The following PTPRT variants were observed in gnomAD, a reference collection of about 807,000 sequenced individuals.
The protein encoded by PTPRT is protein tyrosine phosphatase receptor type T, also known as receptor-type tyrosine-protein phosphatase T.
A neutral mutation model predicts 176.8 loss-of-function variants in PTPRT; 56 were observed. That is an observed-to-expected ratio of 0.32 (90% confidence interval 0.26 to 0.40). The LOEUF is 0.40. Ranked by LOEUF, PTPRT falls within the 10% of genes least tolerant of loss-of-function variation. The pLI is 1.00. For synonymous variants in PTPRT, 783 were observed against 739.0 expected (o/e 1.06, Z -0.96); for missense variants, 1,540 against 1,908.2 (o/e 0.81, Z 3.60).
At chr20:42,544,634 G>A (rs2072641654) in intron 7 of PTPRT, among the ~76,000 whole-genome samples, 1 of 152,066 alleles carries the variant, frequency 6.6e-6, no homozygotes, top group South Asian at 2.1e-4. Context: ...TCAGCACTTG[G>A]GAGACTTTCC....
chr20:42,953,623 GC>G (rs920343620), intron 1 of PTPRT, among the ~76,000 whole-genome samples: 1 of 152,104 alleles, frequency 6.6e-6, no homozygotes, highest in Non-Finnish European at 1.5e-5. Flanking sequence ...AGAGCCTCTG[GC>G]CCCAGCACTC....
intron 1 of PTPRT, among the ~76,000 whole-genome samples, chr20:43,111,375 TA>T (rs922437930): frequency 4.9e-4 from 70 of 144,254 alleles, no homozygotes; most frequent in Admixed American, 9.7e-4. Context: ...CCGTCTCTGC[TA>T]AAAAAAAAAA....
intron 8 of PTPRT, among the ~76,000 whole-genome samples, chr20:42,451,575 A>G (rs2070828536): frequency 6.6e-6 from 1 of 152,198 alleles, no homozygotes; most frequent in African/African-American, 2.4e-5. Flanking sequence ...AGGAAAATGA[A>G]TGGAGAAACT....
chr20:42,619,452 G>T (rs1292362009), intron 7 of PTPRT, among the ~76,000 whole-genome samples: 67 of 120,814 alleles, frequency 5.5e-4, no homozygotes, highest in African/African-American at 6.8e-4. Flanking sequence ...TATCTTTGTG[G>T]CATTCTCTGT....
intron 2 of PTPRT, among the ~76,000 whole-genome samples, chr20:42,873,665 T>C (rs980943172): frequency 6.6e-6 from 1 of 151,516 alleles, no homozygotes; most frequent in Non-Finnish European, 1.5e-5. Flanking sequence ...ATTAATAAGA[T>C]GTTTTTACAT....
intron 8 of PTPRT, among the ~76,000 whole-genome samples, chr20:42,471,376 T>A (rs569932280): frequency 1.3e-5 from 2 of 152,250 alleles, no homozygotes; most frequent in South Asian, 4.1e-4. Context: ...AGTGGATCCC[T>A]CATGGGTTGG....
chr20:42,558,659 A>G (rs1298932307), intron 7 of PTPRT, among the ~76,000 whole-genome samples: 1 of 151,888 alleles, frequency 6.6e-6, no homozygotes, highest in Non-Finnish European at 1.5e-5. Flanking sequence ...GGTATCTCAA[A>G]CCCAACTCTA....
At chr20:42,504,492 A>C (rs1234905271) in intron 7 of PTPRT, among the ~76,000 whole-genome samples, 1 of 152,166 alleles carries the variant, frequency 6.6e-6, no homozygotes, top group African/African-American at 2.4e-5. Flanking sequence ...GAAAATTAAA[A>C]TCTTATTTTA....
chr20:42,706,163 C>CTCTTTA (rs2076052579), intron 6 of PTPRT, among the ~76,000 whole-genome samples: 1 of 137,184 alleles, frequency 7.3e-6, no homozygotes, highest in Non-Finnish European at 1.5e-5. Flanking sequence ...CTCTTTATCT[C>CTCTTTA]TCTCTCTCTC....
Position 42,930,633 on chromosome 20 carries a change from C to T in PTPRT, c.89-44701G>A, listed in dbSNP as rs564246901. Among the ~76,000 whole-genome samples, 4 of 152,082 alleles carry T rather than the reference C, an allele frequency of 2.6e-5. No individual in the cohort carries two copies. The South Asian group carries it at 8.3e-4, about 32-fold the overall frequency. ...AAGTAGCTAGGACTACAGGCACAGG[C>T]CACCATGCCTGGCTTTTTTTTTATT... is the stretch of plus-strand genomic sequence containing the variant. On this transcript the variant is annotated intron_variant, in intron 1 of 30. Transcript: ENST00000373187.
chr20:43,150,156 G>A (rs568592427), intron 1 of PTPRT, among the ~76,000 whole-genome samples: 1 of 152,228 alleles, frequency 6.6e-6, no homozygotes, highest in East Asian at 1.9e-4. Context: ...GGTAAGGCTG[G>A]GCCCAAGATC....
At chr20:42,039,185 A>T in the PTPRT span, among the ~76,000 whole-genome samples, 1 of 152,302 alleles carries the variant, frequency 6.6e-6, no homozygotes, top group African/African-American at 2.4e-5. Flanking sequence ...GTCCCCATTT[A>T]AAAAATTAAT....
chr20:43,061,840 T>A lies in PTPRT; in HGVS notation c.88+127806A>T, dbSNP rs186237253. ...CACACCTTTATCCCACCCATCGTTA[T>A]AATCGAATTGCTGTGACTCAGGCAG... is the stretch of plus-strand genomic sequence containing the variant. On this transcript the variant is annotated intron_variant, in intron 1 of 30. Transcript: ENST00000373187. 8.5e-5 allele frequency among the ~76,000 whole-genome samples: 13 copies of A among 152,356 alleles called. No homozygotes were observed. In the East Asian group the frequency reaches 1.5e-3, roughly 18 times the overall value.
intron 18 of PTPRT, 61 bp downstream of exon 18, chr20:42,141,854 A>T: frequency 7.1e-7 from 1 of 1,400,550 alleles, no homozygotes; most frequent in Non-Finnish European, 1.0e-6. Flanking sequence ...TAATAGTAAT[A>T]GCCTCTTTTC....
chr20:42,397,875 C>T (rs934109754), intron 9 of PTPRT, among the ~76,000 whole-genome samples: 1 of 152,172 alleles, frequency 6.6e-6, no homozygotes, highest in Admixed American at 6.5e-5. Flanking sequence ...AACTGCTCTC[C>T]ACAGTGGCTG....
chr20:42,240,342 TGAA>T (rs59844871), intron 14 of PTPRT, among the ~76,000 whole-genome samples: 6,138 of 152,232 alleles, frequency 0.04, 413 homozygotes, highest in African/African-American at 0.14. Context: ...CTCTAAGCCT[TGAA>T]GAAGATTTAC....
chr20:42,956,519 G>A (rs934358124), intron 1 of PTPRT, among the ~76,000 whole-genome samples: 1 of 152,080 alleles, frequency 6.6e-6, no homozygotes, highest in African/African-American at 2.4e-5. Flanking sequence ...CTCCCCAGAA[G>A]CTAAGCAGAT....
intron 15 of PTPRT, among the ~76,000 whole-genome samples, chr20:42,214,980 A>T (rs577783791): frequency 6.6e-6 from 1 of 152,372 alleles, no homozygotes; most frequent in Non-Finnish European, 1.5e-5. Flanking sequence ...AATTATAATG[A>T]ATTCTCTTAG....
chr20:42,816,392 A>C (rs2077786345), intron 2 of PTPRT, among the ~76,000 whole-genome samples: 1 of 152,234 alleles, frequency 6.6e-6, no homozygotes, highest in African/African-American at 2.4e-5. Flanking sequence ...ACACAGTAAG[A>C]ATAATGGAAG....
Sources: allele counts gnomAD v4.1 joint callset (sites outside exome capture counted in the v4.1 genomes callset), GRCh38; gene constraint gnomAD v4.1.1; transcripts MANE v1.5; gene names NCBI Gene and HGNC (gene_info 2026-07-23, HGNC 2026-07-21).